Variants in PIEZO2 observed in about 807,000 individuals in gnomAD.
PIEZO2 encodes the protein piezo-type mechanosensitive ion channel component 2.
PIEZO2 carries 172 observed loss-of-function variants against 337.3 expected under a neutral mutation model. That is an observed-to-expected ratio of 0.51 (90% confidence interval 0.45 to 0.58). The LOEUF is 0.58. Among genes scored for constraint, PIEZO2 ranks in the 20% least tolerant of loss-of-function variants. PIEZO2 has a pLI of 0.00. For missense variants in PIEZO2, 3,028 were observed against 3,391.3 expected (o/e 0.89, Z 2.66); for synonymous variants, 1,251 against 1,228.5 (o/e 1.02, Z -0.38).
chr18:11,085,805 G>A (rs2038889274), intron 1 of PIEZO2, among the ~76,000 whole-genome samples: 2 of 150,402 alleles, frequency 1.3e-5, no homozygotes, highest in Admixed American at 1.3e-4. Flanking sequence ...AAATTGTAAT[G>A]CTTACTGGCA....
chr18:10,696,016 C>T, intron 47 of PIEZO2, 58 bp downstream of exon 47: 2 of 1,509,358 alleles, frequency 1.3e-6, no homozygotes, highest in Non-Finnish European at 1.8e-6. Context: ...CGAGTATCAC[C>T]TCAGGAAACA....
At chr18:10,691,178 C>A in intron 48 of PIEZO2, 47 bp downstream of exon 48, 1 of 1,577,500 alleles carries the variant, frequency 6.3e-7, no homozygotes, top group Non-Finnish European at 8.6e-7. Flanking sequence ...GCCTTTCCAC[C>A]GCTATTCTTC....
At chr18:10,793,994 C>T (rs2039496005) in intron 13 of PIEZO2, among the ~76,000 whole-genome samples, 3 of 152,110 alleles carry the variant, frequency 2.0e-5, no homozygotes, top group Admixed American at 1.3e-4. Flanking sequence ...CGGGCACTTG[C>T]TCCCAGGAAA....
At chr18:11,081,870 C>T (rs927333563) in intron 1 of PIEZO2, among the ~76,000 whole-genome samples, 27 of 152,128 alleles carry the variant, frequency 1.8e-4, no homozygotes, top group African/African-American at 6.0e-4. Context: ...AGCGATTCTC[C>T]TGTCTCAGCC....
At chr18:11,052,075 C>A (rs1367704127) in intron 2 of PIEZO2, among the ~76,000 whole-genome samples, 1 of 151,590 alleles carries the variant, frequency 6.6e-6, no homozygotes, top group Admixed American at 6.6e-5. Flanking sequence ...TTCCAGTTAG[C>A]TTCATAATTT....
In PIEZO2 at chr18:10,837,270, A is replaced by G. The variant is rs2041043786; in HGVS notation, c.917+18083T>C. Reference sequence around the variant, plus strand: ...TGTTTTTATACTTTCCTAAGTCTAGAATGAGAAGAGCCTTTAAGTTCTCAC... The same window carrying G: ...TGTTTTTATACTTTCCTAAGTCTAGGATGAGAAGAGCCTTTAAGTTCTCAC... On this transcript the variant is annotated intron_variant, in intron 7 of 55. Transcript: ENST00000674853. This position sits in a 1 kb window ranked among gnomAD's most constrained non-coding sequence, Gnocchi z 4.4. Among the ~76,000 whole-genome samples the G allele has an allele frequency of 6.6e-6, 1 of 152,212 alleles. No individual in the cohort carries two copies. The highest frequency in any genetic ancestry group is 1.5e-5 in the Non-Finnish European group (1 of 68,034).
rs2040367923 is a variant in PIEZO2 at position 11,132,463 on chromosome 18, C to T, written c.64+16062G>A. 1.3e-5 allele frequency among the ~76,000 whole-genome samples: 2 copies of T among 152,200 alleles called. No homozygotes were observed. The highest frequency in any genetic ancestry group is 1.3e-4 in the Admixed American group (2 of 15,276). ...CTTTGCAGGGCTGGGGCAAAGTTCT[C>T]CAGAAGGCCGTGTATGCTCTGAATC... On this transcript the variant is annotated intron_variant, in intron 1 of 55. Transcript: ENST00000674853. This position sits in a 1 kb window ranked among gnomAD's most constrained non-coding sequence, Gnocchi z 4.7.
chr18:11,102,117 C>T lies in PIEZO2; in HGVS notation c.65-35895G>A, dbSNP rs1323351007. Among the ~76,000 whole-genome samples the T allele has an allele frequency of 6.6e-6, 1 of 152,128 alleles. No homozygotes were observed. The highest frequency in any genetic ancestry group is 1.5e-5 in the Non-Finnish European group (1 of 68,032). On this transcript the variant is annotated intron_variant, in intron 1 of 55. Transcript: ENST00000674853. This position sits in a 1 kb window ranked among gnomAD's most constrained non-coding sequence, Gnocchi z 5.7. ...AAGGATAGACCAAAACCCTTCTAAA[C>T]TAAGAAACAAAGAGACTGACCGTCT...
Position 10,918,731 on chromosome 18 carries a change from C to T in PIEZO2, c.287-7503G>A, listed in dbSNP as rs190863914. On this transcript the variant is annotated intron_variant, in intron 3 of 55. Coordinates refer to ENST00000674853, the MANE Select transcript of PIEZO2 (RefSeq NM_001378183.1). Reference sequence around the variant, plus strand: ...CATACAAAATACAACCACTCTATTTCGAATCCTGCTTTAATTACATATTAA... The same window carrying T: ...CATACAAAATACAACCACTCTATTTTGAATCCTGCTTTAATTACATATTAA... Among the ~76,000 whole-genome samples the T allele has an allele frequency of 2.6e-5, 4 of 152,122 alleles. No homozygotes were observed. The South Asian group carries it at 6.2e-4, about 24-fold the overall frequency.
At chr18:10,801,201 A>C (rs2144272314) in intron 10 of PIEZO2, among the ~76,000 whole-genome samples, 189 bp downstream of exon 10, 1 of 152,378 alleles carries the variant, frequency 6.6e-6, no homozygotes, top group East Asian at 1.9e-4. Flanking sequence ...CTTAAAATTT[A>C]AATATATTTT....
intron 24 of PIEZO2, among the ~76,000 whole-genome samples, chr18:10,760,497 G>A (rs961532493): frequency 6.6e-6 from 1 of 152,158 alleles, no homozygotes; most frequent in Non-Finnish European, 1.5e-5. Context: ...AAGAGATGGG[G>A]TTCCACCATG....
chr18:10,960,674 C>A (rs1013513163), intron 3 of PIEZO2, among the ~76,000 whole-genome samples: 20 of 152,164 alleles, frequency 1.3e-4, no homozygotes, highest in African/African-American at 4.6e-4. Flanking sequence ...AAAAGTCCCC[C>A]AACCTTAATT....
intron 47 of PIEZO2, among the ~76,000 whole-genome samples, chr18:10,693,017 C>G (rs908296325): frequency 1.3e-5 from 2 of 152,032 alleles, no homozygotes; most frequent in African/African-American, 4.8e-5. Context: ...GAATTTAAGT[C>G]TTCTTGATTT....
Position 11,143,639 on chromosome 18 carries a change from A to ACACACACT in PIEZO2, c.64+4885_64+4886insAGTGTGTG, listed in dbSNP as rs1473731967. Among the ~76,000 whole-genome samples, 10 of 92,804 alleles carry ACACACACT rather than the reference A, an allele frequency of 1.1e-4. No individual in the cohort carries two copies. Among genetic ancestry groups the ACACACACT allele is most frequent in the South Asian group, 3.9e-4 (1 of 2,536 alleles). 60.9% of individuals were successfully genotyped at this position (92,804 alleles called of 152,430 possible). Reference sequence around the variant, plus strand: ...CACACACACACACACACACACACACACTCTCTCTCTCTCTCTCTCTCTCTC... The same window carrying ACACACACT: ...CACACACACACACACACACACACACACACACACTCTCTCTCTCTCTCTCTCTCTCTCTC... On this transcript the variant is annotated intron_variant, in intron 1 of 55. Coordinates refer to ENST00000674853, the MANE Select transcript of PIEZO2 (RefSeq NM_001378183.1). This position sits in a 1 kb window ranked among gnomAD's most constrained non-coding sequence, Gnocchi z 4.9.
rs1208773559 is a variant in PIEZO2, at chr18:10,993,776, T to C, written c.161-14116A>G. 6.6e-6 allele frequency among the ~76,000 whole-genome samples: 1 copy of C among 152,122 alleles called. No homozygotes were observed. Among genetic ancestry groups the C allele is most frequent in the African/African-American group, 2.4e-5 (1 of 41,446 alleles). On this transcript the variant is annotated intron_variant, in intron 2 of 55. Transcript: ENST00000674853. The surrounding 1 kb of genome is among the most constrained non-coding windows in gnomAD (Gnocchi z 5.0). ...TCTCCTGACTTCGTGATCTGCCCGC[T>C]TCGGCCTCCCAAAGTGCTGGGATTA...
rs143528002 is a variant in PIEZO2 at position 10,804,611 on chromosome 18, G to C, written c.1081-617C>G. Among the ~76,000 whole-genome samples, 4 of 152,344 alleles carry C rather than the reference G, an allele frequency of 2.6e-5. No individual in the cohort carries two copies. In the East Asian group the frequency reaches 5.8e-4, roughly 22 times the overall value. ...GGAGTGGAGTGGACTTAGTCTCATT[G>C]TCTGGGTCCCAGTGCACCAGAGTAG... is the stretch of plus-strand genomic sequence containing the variant. On this transcript the variant is annotated intron_variant, in intron 8 of 55. Transcript: ENST00000674853.
In PIEZO2 at chr18:10,853,855, C is replaced by CTGT. The variant is rs2041625283; in HGVS notation, c.917+1497_917+1498insACA. ...TTTTTCTGTCTACCCACAAAACCAT[C>CTGT]ATACACCTAAGAAATCAGCAATAAT... On this transcript the variant is annotated intron_variant, in intron 7 of 55. Transcript: ENST00000674853. This position sits in a 1 kb window ranked among gnomAD's most constrained non-coding sequence, Gnocchi z 4.2. Among the ~76,000 whole-genome samples the CTGT allele has an allele frequency of 6.6e-6, 1 of 152,218 alleles. No homozygotes were observed. Among genetic ancestry groups the CTGT allele is most frequent in the Non-Finnish European group, 1.5e-5 (1 of 68,042 alleles).
chr18:11,024,267 C>T (rs946180859), intron 2 of PIEZO2, among the ~76,000 whole-genome samples: 5 of 152,154 alleles, frequency 3.3e-5, no homozygotes, highest in Non-Finnish European at 4.4e-5. Flanking sequence ...TCAAGTAGGC[C>T]GGGCGCGGTG....
chr18:10,759,802 G>A lies in PIEZO2; in HGVS notation c.3558C>T (p.Ala1186=). 6.5e-7 allele frequency: 1 copy of A among 1,537,346 alleles called. No homozygotes were observed. Among genetic ancestry groups the A allele is most frequent in the East Asian group, 2.4e-5 (1 of 40,918 alleles). The change falls in exon 25 of 56, where the codon GCC becomes GCT. Residue 1186 remains alanine, a synonymous_variant. Transcript: ENST00000674853. The surrounding 1 kb of genome is among the most constrained non-coding windows in gnomAD (Gnocchi z 5.5). The stretch of plus-strand genomic sequence containing the variant: ...AGTACTTGGGCCAGATCTCTGCGAT[G>A]GCTTTCCTTCTGCGTCTATATAAGA... ...IAVLYRRRRK[A]IAEIWPKYCC...
Sources: allele counts gnomAD v4.1 joint callset (sites outside exome capture counted in the v4.1 genomes callset), GRCh38; gene constraint gnomAD v4.1.1; non-coding constraint Gnocchi (gnomAD v3.1); transcripts MANE v1.5; gene names NCBI Gene and HGNC (gene_info 2026-07-23, HGNC 2026-07-21).